Variants in RAB9B observed in about 807,000 individuals in gnomAD.
RAB9B encodes the protein ras-related protein Rab-9B.
RAB9B carries 1 observed loss-of-function variant against 8.9 expected under a neutral mutation model. The observed-to-expected ratio is 0.11, with a 90% CI of 0.04 to 0.53. The LOEUF (loss-of-function observed/expected upper bound fraction) is 0.53. Among genes scored for constraint, RAB9B ranks in the 20% least tolerant of loss-of-function variants. The pLI is 0.93. For missense variants in RAB9B, 82 were observed against 152.9 expected (o/e 0.54, Z 2.45); for synonymous variants, 63 against 57.0 (o/e 1.10, Z -0.47).
In RAB9B at chrX:103,831,497, C is replaced by T. The variant is rs1292509957; in HGVS notation, c.-117+563G>A. Among the ~76,000 whole-genome samples the T allele has an allele frequency of 5.1e-5, 5 of 98,477 alleles. No homozygotes were observed. In the East Asian group the frequency reaches 1.6e-3, roughly 32 times the overall value. 85.5% of individuals were successfully genotyped at this position (98,477 alleles called of 115,157 possible). A position where few individuals can be genotyped will look rare whatever the true frequency, so the allele number is the denominator to read the frequency against. ...ACTGCTCACAACGACAGCTCTAGGG[C>T]TATAAGCCCAAAGGCACACTAGATA... On this transcript the variant is annotated intron_variant, in intron 1 of 2. Transcript: ENST00000243298.
downstream of RAB9B, among the ~76,000 whole-genome samples, chrX:103,819,748 A>G (rs2074652552): frequency 8.9e-6 from 1 of 112,255 alleles, no homozygotes; most frequent in Admixed American, 9.4e-5. Flanking sequence ...TTAAAGAGAA[A>G]GTAGTAAAGA....
chrX:103,825,087 G>C lies in RAB9B; in HGVS notation c.*92C>G. On this transcript the variant is annotated 3_prime_UTR_variant, in exon 3 of 3. Transcript: ENST00000243298. ...TCAGAACCTTGTCTCTTACCCTCTTGTGTGCGTGTGTGTGCACTCTTAGAG... is the reference window on the plus strand; with the variant it reads ...TCAGAACCTTGTCTCTTACCCTCTTCTGTGCGTGTGTGTGCACTCTTAGAG... The C allele has an allele frequency of 4.4e-6, 4 of 911,852 alleles. No homozygotes were observed. Among genetic ancestry groups the C allele is most frequent in the Non-Finnish European group, 6.1e-6 (4 of 659,619 alleles). The allele number at this position is 911,852 out of a possible 1,213,427, so 75.1% of individuals were successfully genotyped here. A position where few individuals can be genotyped will look rare whatever the true frequency, so the allele number is the denominator to read the frequency against.
the RAB9B span, among the ~76,000 whole-genome samples, chrX:103,813,142 C>T: frequency 9.1e-6 from 1 of 109,301 alleles, no homozygotes; most frequent in African/African-American, 3.3e-5. Flanking sequence ...AGGATGGTCT[C>T]GATCTCCTCA....
At chrX:103,791,607 A>G in the RAB9B span, 2 of 112,639 alleles carry the variant, frequency 1.8e-5, no homozygotes, top group African/African-American at 3.2e-5. Flanking sequence ...ATGGGGTATT[A>G]TCCATTCAGT....
At chrX:103,786,280 C>T in the RAB9B span, 3 of 1,088,154 alleles carry the variant, frequency 2.8e-6, no homozygotes, top group South Asian at 1.9e-5. Context: ...TCACATACAC[C>T]CTGTCTTCAC....
the RAB9B span, chrX:103,780,693 T>C: frequency 1.8e-5 from 2 of 111,941 alleles, no homozygotes; most frequent in African/African-American, 6.5e-5. Flanking sequence ...AAAAGGGATA[T>C]GTAGGAAAGA....
the RAB9B span, among the ~76,000 whole-genome samples, chrX:103,794,043 C>A: frequency 3.6e-5 from 4 of 111,634 alleles, no homozygotes; most frequent in Admixed American, 2.9e-4. Context: ...TGTTAAACCC[C>A]AGGAAGTTCA....
At chrX:103,830,342 T>G (rs1382783382) in intron 1 of RAB9B, among the ~76,000 whole-genome samples, 6 of 111,870 alleles carry the variant, frequency 5.4e-5, no homozygotes, top group African/African-American at 1.6e-4. Context: ...ATGCCGGATT[T>G]AATCCAAACC....
rs2074665385 is a variant in RAB9B, at chrX:103,822,509, C to G, written c.*2670G>C. On this transcript the variant is annotated 3_prime_UTR_variant, in exon 3 of 3. Transcript: ENST00000243298. ...AGGCACAAATTAACCTGATATTCAT[C>G]AATCCACTGAAGACATATGGAATCT... 1 of 111,503 alleles carries G rather than the reference C, an allele frequency of 9.0e-6. No individual in the cohort carries two copies. Among genetic ancestry groups the G allele is most frequent in the Non-Finnish European group, 1.9e-5 (1 of 53,094 alleles). The allele number at this position is 111,503 out of a possible 1,213,427, so 9.2% of individuals were successfully genotyped here. A position where few individuals can be genotyped will look rare whatever the true frequency, so the allele number is the denominator to read the frequency against.
At chrX:103,817,126 T>C in the RAB9B span, among the ~76,000 whole-genome samples, 1 of 111,826 alleles carries the variant, frequency 8.9e-6, no homozygotes, top group Admixed American at 9.6e-5. Flanking sequence ...AAGACACATG[T>C]ACACGTATGA....
Position 103,824,089 on chromosome X carries a change from T to C in RAB9B, c.*1090A>G, listed in dbSNP as rs1463691483. 1 of 112,463 alleles carries C rather than the reference T, an allele frequency of 8.9e-6. No homozygotes were observed. Among genetic ancestry groups the C allele is most frequent in the Non-Finnish European group, 1.9e-5 (1 of 53,302 alleles). 9.3% of individuals were successfully genotyped at this position (112,463 alleles called of 1,213,427 possible). A position where few individuals can be genotyped will look rare whatever the true frequency, so the allele number is the denominator to read the frequency against. On this transcript the variant is annotated 3_prime_UTR_variant, in exon 3 of 3. Transcript: ENST00000243298. ...ACTATTAAGGCAGTCCATTCCACTGTTGGACAACTCTGTTTATGGGAAATT... is the reference window on the plus strand; with the variant it reads ...ACTATTAAGGCAGTCCATTCCACTGCTGGACAACTCTGTTTATGGGAAATT...
rs748748098 is a variant in RAB9B, at chrX:103,824,830, T to C, written c.*349A>G. The C allele has an allele frequency of 8.4e-4, 103 of 122,716 alleles. No individual in the cohort carries two copies. The highest frequency in any genetic ancestry group is 3.2e-3 in the African/African-American group (100 of 31,136). The allele number at this position is 122,716 out of a possible 1,213,427, so 10.1% of individuals were successfully genotyped here. ...TTGATTAATGGAACACTTTAAGAAA[T>C]AGTTGTAGCTCTTTAACTCCTTCAT... On this transcript the variant is annotated 3_prime_UTR_variant, in exon 3 of 3. Coordinates refer to ENST00000243298, the MANE Select transcript of RAB9B (RefSeq NM_016370.4).
At chrX:103,785,992 C>CCCCGT in the RAB9B span, 1 of 694,148 alleles carries the variant, frequency 1.4e-6, no homozygotes, top group Non-Finnish European at 2.1e-6. Flanking sequence ...CCCCCGCCCC[C>CCCCGT]TTGTTTTCTT....
At chrX:103,820,177 T>G (rs927020517), downstream of RAB9B, among the ~76,000 whole-genome samples, 1 of 112,420 alleles carries the variant, frequency 8.9e-6, no homozygotes, top group Non-Finnish European at 1.9e-5. Flanking sequence ...TTCTGTAGTT[T>G]ATAGCCTACC....
downstream of RAB9B, among the ~76,000 whole-genome samples, chrX:103,817,662 C>T (rs992220853): frequency 9.1e-6 from 1 of 110,017 alleles, no homozygotes; most frequent in Non-Finnish European, 1.9e-5. Context: ...GAACACTAAC[C>T]GGTCTTTATT....
At chrX:103,827,200 C>T (rs1259569324) in intron 1 of RAB9B, 122 bp from the exon 2 acceptor site, 2 of 109,308 alleles carry the variant, frequency 1.8e-5, no homozygotes, top group Non-Finnish European at 3.8e-5. Context: ...CTCAAGTAAC[C>T]TACAGAGGGT....
the RAB9B span, chrX:103,789,371 G>A: frequency 8.3e-7 from 1 of 1,207,531 alleles, no homozygotes; most frequent in East Asian, 3.0e-5. Context: ...CTGCATTTGT[G>A]GGGGCTGCAG....
chrX:103,825,074 C>T lies in RAB9B; in HGVS notation c.*105G>A. 1.2e-6 allele frequency: 1 copy of T among 854,663 alleles called. No homozygotes were observed. The highest frequency in any genetic ancestry group is 1.6e-6 in the Non-Finnish European group (1 of 610,977). 70.4% of individuals were successfully genotyped at this position (854,663 alleles called of 1,213,427 possible). A position where few individuals can be genotyped will look rare whatever the true frequency, so the allele number is the denominator to read the frequency against. ...CTCTGTTTCACAATCAGAACCTTGT[C>T]TCTTACCCTCTTGTGTGCGTGTGTG... On this transcript the variant is annotated 3_prime_UTR_variant, in exon 3 of 3. Transcript: ENST00000243298.
chrX:103,805,600 C>T, the RAB9B span, among the ~76,000 whole-genome samples: 1 of 111,586 alleles, frequency 9.0e-6, no homozygotes, highest in Admixed American at 9.6e-5. Context: ...CTGTCTGGTC[C>T]TGGACTTTGT....
Sources: allele counts gnomAD v4.1 joint callset (sites outside exome capture counted in the v4.1 genomes callset), GRCh38; gene constraint gnomAD v4.1.1; transcripts MANE v1.5; gene names NCBI Gene and HGNC (gene_info 2026-07-23, HGNC 2026-07-21).